PPARGC1A: variants seen among roughly 807,000 people sequenced by gnomAD.
The protein encoded by PPARGC1A is peroxisome proliferator-activated receptor gamma coactivator 1-alpha.
Under a neutral mutation model 88.7 loss-of-function variants are expected in PPARGC1A, and 25 were observed. The ratio of observed to expected loss-of-function variants is 0.28; its 90% CI spans 0.21 to 0.39. The LOEUF (loss-of-function observed/expected upper bound fraction) is 0.39, where lower values mean the gene tolerates loss of function less well. Among genes scored for constraint, PPARGC1A ranks in the 10% least tolerant of loss-of-function variants. The pLI is 1.00. For synonymous variants in PPARGC1A, 363 were observed against 355.6 expected, an observed-to-expected ratio of 1.02 and a Z score of -0.24; for missense variants, 880 against 968.7, an observed-to-expected ratio of 0.91 and a Z score of 1.22.
chr4:23,842,355 A>G (rs569318232), intron 2 of PPARGC1A, among the ~76,000 whole-genome samples: 2 of 152,044 alleles, frequency 1.3e-5, no homozygotes, highest in South Asian at 4.2e-4. Flanking sequence ...TTTTGTTTCT[A>G]TTCTATCCCT....
the PPARGC1A span, among the ~76,000 whole-genome samples, chr4:24,029,994 C>T: frequency 6.6e-6 from 1 of 152,104 alleles, no homozygotes; most frequent in African/African-American, 2.4e-5. Flanking sequence ...GGAGAGACTT[C>T]CCGTGCAACA....
chr4:24,455,019 T>C, the PPARGC1A span, among the ~76,000 whole-genome samples: 1 of 151,830 alleles, frequency 6.6e-6, no homozygotes, highest in East Asian at 1.9e-4. Flanking sequence ...AGGAAACCGA[T>C]GAAATACACG....
the PPARGC1A span, among the ~76,000 whole-genome samples, chr4:24,270,483 A>G: frequency 2.0e-5 from 3 of 152,220 alleles, no homozygotes; most frequent in African/African-American, 7.2e-5. Context: ...AGAAATACAT[A>G]CTGTGGCAAT....
At chr4:24,020,358 T>C in the PPARGC1A span, among the ~76,000 whole-genome samples, 70 of 152,238 alleles carry the variant, frequency 4.6e-4, 3 homozygotes, top group African/African-American at 1.5e-3. Context: ...TTTTGGAGGA[T>C]TTTTCCCCTT....
At chr4:23,910,286 T>TAAATATA in the PPARGC1A span, among the ~76,000 whole-genome samples, 1 of 84,574 alleles carries the variant, frequency 1.2e-5, no homozygotes, top group South Asian at 2.8e-4. Flanking sequence ...ACCCTATATA[T>TAAATATA]TATTATATAT....
chr4:24,044,938 A>G, the PPARGC1A span, among the ~76,000 whole-genome samples: 5 of 152,242 alleles, frequency 3.3e-5, no homozygotes, highest in Non-Finnish European at 5.9e-5. Context: ...GAGAGAAAGA[A>G]AGGTGAGCCT....
intron 10 of PPARGC1A, among the ~76,000 whole-genome samples, chr4:23,810,875 A>G (rs1260020722): frequency 1.3e-5 from 2 of 152,230 alleles, no homozygotes; most frequent in African/African-American, 4.8e-5. Context: ...ATATGGCACT[A>G]TATAAATGTG....
chr4:24,440,967 T>C, the PPARGC1A span, among the ~76,000 whole-genome samples: 11 of 152,316 alleles, frequency 7.2e-5, 1 homozygote, highest in Middle Eastern at 3.4e-3. Flanking sequence ...CTAGCAACGA[T>C]TGACGGAGAA....
At chr4:24,143,242 G>T in the PPARGC1A span, among the ~76,000 whole-genome samples, 1 of 152,128 alleles carries the variant, frequency 6.6e-6, no homozygotes, top group African/African-American at 2.4e-5. Flanking sequence ...AGTCTGCTGT[G>T]CCCCAGGCAC....
At chr4:24,453,673 G>T in the PPARGC1A span, among the ~76,000 whole-genome samples, 1 of 152,110 alleles carries the variant, frequency 6.6e-6, no homozygotes, top group African/African-American at 2.4e-5. Flanking sequence ...TGAGCTACCT[G>T]GGAGGCTGAG....
the PPARGC1A span, among the ~76,000 whole-genome samples, chr4:24,192,948 T>G: frequency 7.2e-5 from 11 of 152,186 alleles, no homozygotes; most frequent in African/African-American, 2.7e-4. Flanking sequence ...ATAAGTAAGT[T>G]GAAACTAATT....
chr4:24,187,357 T>C, the PPARGC1A span, among the ~76,000 whole-genome samples: 2,452 of 152,316 alleles, frequency 0.016, 74 homozygotes, highest in African/African-American at 0.055. Context: ...CTGAGGAATT[T>C]GGTAATTTGC....
At chr4:23,947,383 AT>A in the PPARGC1A span, among the ~76,000 whole-genome samples, 32 of 10,492 alleles carry the variant, frequency 3.0e-3, no homozygotes, top group African/African-American at 6.5e-3. Flanking sequence ...ATATATATAT[AT>A]ATATATATAT....
At chr4:24,150,493 A>G in the PPARGC1A span, among the ~76,000 whole-genome samples, 2 of 152,120 alleles carry the variant, frequency 1.3e-5, no homozygotes, top group Non-Finnish European at 2.9e-5. Context: ...CTTCACATTA[A>G]AACTAGAGGG....
the PPARGC1A span, among the ~76,000 whole-genome samples, chr4:24,378,944 A>T: frequency 2.0e-5 from 3 of 152,310 alleles, no homozygotes; most frequent in East Asian, 5.8e-4. Context: ...GAGTTTTATT[A>T]TACCAGGCAG....
chr4:24,429,159 C>T, the PPARGC1A span, among the ~76,000 whole-genome samples: 2 of 152,186 alleles, frequency 1.3e-5, no homozygotes, highest in Non-Finnish European at 2.9e-5. Context: ...AAAACTCAGA[C>T]GTGAGCTGTG....
At chr4:24,144,672 C>T in the PPARGC1A span, among the ~76,000 whole-genome samples, 4 of 152,030 alleles carry the variant, frequency 2.6e-5, no homozygotes, top group Non-Finnish European at 4.4e-5. Context: ...CTCTCCTTCT[C>T]GCCCCACTAG....
chr4:24,383,253 C>G, the PPARGC1A span, among the ~76,000 whole-genome samples: 1 of 152,172 alleles, frequency 6.6e-6, no homozygotes, highest in African/African-American at 2.4e-5. Context: ...GTAGATAAAT[C>G]CACAAAGGTG....
the PPARGC1A span, among the ~76,000 whole-genome samples, chr4:24,256,049 T>C: frequency 1.3e-5 from 2 of 152,204 alleles, no homozygotes; most frequent in Non-Finnish European, 2.9e-5. Context: ...ACCATCTTCC[T>C]GTGAAGCAGT....
Sources: gnomAD v4.1 joint callset for allele counts (sites outside exome capture counted in the v4.1 genomes callset) on GRCh38, gnomAD v4.1.1 for gene constraint, MANE v1.5 for transcripts, NCBI Gene and HGNC (gene_info 2026-07-23, HGNC 2026-07-21) for gene names.